LRRC37A2: variants seen among roughly 807,000 people sequenced by gnomAD.
The protein encoded by LRRC37A2 is leucine-rich repeat-containing protein 37A2.
Under a neutral mutation model 68.8 loss-of-function variants are expected in LRRC37A2, and 9 were observed. The observed-to-expected ratio is 0.13, with a 90% CI of 0.08 to 0.23. The LOEUF (loss-of-function observed/expected upper bound fraction) is 0.23. LRRC37A2 is among the 10% of genes least tolerant of loss of function. LRRC37A2 has a pLI of 1.00. For missense variants in LRRC37A2, 168 were observed against 950.4 expected, an observed-to-expected ratio of 0.18 and a Z score of 10.82; for synonymous variants, 63 against 367.6, an observed-to-expected ratio of 0.17 and a Z score of 9.48.
chr17:46,973,838 CT>C, the LRRC37A2 span, among the ~76,000 whole-genome samples: 1 of 152,090 alleles, frequency 6.6e-6, no homozygotes, highest in African/African-American at 2.4e-5. Flanking sequence ...ACACGTATAC[CT>C]TTCCCCCAAA....
At chr17:46,814,402 T>C in the LRRC37A2 span, among the ~76,000 whole-genome samples, 2 of 152,128 alleles carry the variant, frequency 1.3e-5, no homozygotes, top group South Asian at 4.2e-4. Flanking sequence ...CGGCCACCAA[T>C]TTTGCTCCCT....
At chr17:46,437,724 A>G in the LRRC37A2 span, among the ~76,000 whole-genome samples, 4 of 149,764 alleles carry the variant, frequency 2.7e-5, no homozygotes, top group African/African-American at 9.8e-5. Flanking sequence ...TTTAAATTCT[A>G]TCTAGAATCC....
the LRRC37A2 span, among the ~76,000 whole-genome samples, chr17:46,862,094 C>T: frequency 3.4e-5 from 5 of 145,374 alleles, no homozygotes; most frequent in Admixed American, 2.8e-4. Context: ...ACCTGGGAGG[C>T]GGAGTTTGCA....
the LRRC37A2 span, among the ~76,000 whole-genome samples, chr17:46,774,095 G>A: frequency 2.3e-4 from 35 of 152,326 alleles, no homozygotes; most frequent in Admixed American, 5.2e-4. Flanking sequence ...TCTGACCCAC[G>A]CAAGTCAGCC....
At chr17:46,774,718 A>G in the LRRC37A2 span, among the ~76,000 whole-genome samples, 1 of 152,310 alleles carries the variant, frequency 6.6e-6, no homozygotes, top group East Asian at 1.9e-4. Flanking sequence ...TTTTATAGTC[A>G]ACAACAGAAA....
chr17:46,780,509 C>T, the LRRC37A2 span, among the ~76,000 whole-genome samples: 1,162 of 152,360 alleles, frequency 7.6e-3, 13 homozygotes, highest in African/African-American at 0.026. Context: ...GGGACTCTGC[C>T]CAGGTGCGGT....
the LRRC37A2 span, chr17:46,936,073 G>A: frequency 2.0e-6 from 2 of 985,860 alleles, no homozygotes. Context: ...AGAGGGTCAG[G>A]CAAGCTGCAA....
the LRRC37A2 span, among the ~76,000 whole-genome samples, chr17:46,979,603 G>T: frequency 6.6e-6 from 1 of 152,112 alleles, no homozygotes; most frequent in Non-Finnish European, 1.5e-5. Context: ...CTAGACATCA[G>T]ATGAGTCGCC....
the LRRC37A2 span, among the ~76,000 whole-genome samples, chr17:46,734,674 T>C: frequency 5.9e-5 from 9 of 152,196 alleles, no homozygotes; most frequent in African/African-American, 2.2e-4. Context: ...TGAAGCCCTT[T>C]GTAAACCTGT....
At chr17:46,894,367 C>T in the LRRC37A2 span, among the ~76,000 whole-genome samples, 4 of 152,216 alleles carry the variant, frequency 2.6e-5, no homozygotes, top group Non-Finnish European at 4.4e-5. Flanking sequence ...GTCAGCCTAC[C>T]CGACCTTGGG....
the LRRC37A2 span, among the ~76,000 whole-genome samples, chr17:47,014,306 C>T: frequency 2.7e-5 from 4 of 150,266 alleles, no homozygotes; most frequent in Non-Finnish European, 5.9e-5. Flanking sequence ...ATGAAAATCG[C>T]TTGAACCCAG....
At chr17:46,962,885 G>A in the LRRC37A2 span, among the ~76,000 whole-genome samples, 3 of 152,216 alleles carry the variant, frequency 2.0e-5, no homozygotes, top group Non-Finnish European at 4.4e-5. Context: ...CTTTCAGTGT[G>A]TGCTAGACCC....
chr17:46,834,469 C>T, the LRRC37A2 span, among the ~76,000 whole-genome samples: 20 of 152,250 alleles, frequency 1.3e-4, no homozygotes, highest in African/African-American at 4.6e-4. Context: ...CTAGGCCTGC[C>T]GAGGCATGGC....
chr17:46,915,676 T>C, the LRRC37A2 span, among the ~76,000 whole-genome samples: 24 of 152,354 alleles, frequency 1.6e-4, no homozygotes, highest in South Asian at 4.1e-3. Context: ...TTCTCTTCAG[T>C]GGCTGGGATC....
the LRRC37A2 span, among the ~76,000 whole-genome samples, chr17:46,929,158 C>T: frequency 3.3e-5 from 5 of 152,222 alleles, no homozygotes; most frequent in East Asian, 1.9e-4. Context: ...TAGGATTGGC[C>T]GGGTTCAGTT....
chr17:46,961,661 AT>A, the LRRC37A2 span, among the ~76,000 whole-genome samples: 1 of 152,226 alleles, frequency 6.6e-6, no homozygotes, highest in Non-Finnish European at 1.5e-5. Flanking sequence ...AAAAGATTAT[AT>A]TTTTTAAAAA....
At chr17:46,534,362 G>A (rs1464288657) in intron 6 of LRRC37A2, among the ~76,000 whole-genome samples, 1 of 145,056 alleles carries the variant, frequency 6.9e-6, no homozygotes, top group East Asian at 2.0e-4. Flanking sequence ...CAGTGTTTGT[G>A]TCCCTGGGTA....
At chr17:47,032,429 C>G in the LRRC37A2 span, among the ~76,000 whole-genome samples, 1 of 152,248 alleles carries the variant, frequency 6.6e-6, no homozygotes, top group African/African-American at 2.4e-5. Flanking sequence ...TAATAAGTGG[C>G]AGAACCACTT....
intron 6 of LRRC37A2, among the ~76,000 whole-genome samples, chr17:46,534,282 G>A (rs2054218653): frequency 7.0e-6 from 1 of 142,544 alleles, no homozygotes. Flanking sequence ...ATAGTGGAGG[G>A]AAGGTCAGCA....
Sources: allele counts gnomAD v4.1 joint callset (sites outside exome capture counted in the v4.1 genomes callset), GRCh38; gene constraint gnomAD v4.1.1; transcripts MANE v1.5; gene names NCBI Gene and HGNC (gene_info 2026-07-23, HGNC 2026-07-21).